Variants in SKI observed in about 807,000 individuals in gnomAD.
The protein encoded by SKI is SKI proto-oncogene, also known as ski oncogene.
A neutral mutation model predicts 59.3 loss-of-function variants in SKI; 23 were observed. That is an observed-to-expected ratio of 0.39 (90% CI 0.28 to 0.55). The LOEUF is 0.55. Ranked by LOEUF, SKI falls within the 20% of genes least tolerant of loss-of-function variation. SKI has a pLI of 0.67. For synonymous variants in SKI, 673 were observed against 488.6 expected (o/e 1.38, Z -4.98); for missense variants, 1,017 against 1,038.9 (o/e 0.98, Z 0.29).
At chr1:2,279,185 G>C (rs574031614) in intron 1 of SKI, among the ~76,000 whole-genome samples, 5 of 152,178 alleles carry the variant, frequency 3.3e-5, no homozygotes, top group Non-Finnish European at 7.3e-5. Flanking sequence ...GTTCTTTGGG[G>C]ATGGCCCTGA....
chr1:2,295,723 G>A (rs1294920605), intron 1 of SKI, among the ~76,000 whole-genome samples: 1 of 68,324 alleles, frequency 1.5e-5, no homozygotes, highest in East Asian at 4.0e-4. Flanking sequence ...GTGGCTATGT[G>A]TCCAGGCCAC....
chr1:2,254,566 C>T (rs1049703469), intron 1 of SKI, among the ~76,000 whole-genome samples: 2 of 152,212 alleles, frequency 1.3e-5, no homozygotes, highest in Admixed American at 6.5e-5. Context: ...TCAGCCTGTC[C>T]TTGTGTGCAG....
rs528378483 is a variant in SKI, at chr1:2,284,931, C to T, written c.970-18047C>T. Among the ~76,000 whole-genome samples the T allele has an allele frequency of 1.2e-3, 190 of 152,322 alleles. 3 individuals are homozygous for T. Among genetic ancestry groups the T allele is most frequent in the South Asian group, 2.9e-3 (14 of 4,832 alleles). ...CCACACACAGCACAGGTGCACCATG[C>T]GGGCCTTTCTGATGATCAGAATTCA... On this transcript the variant is annotated intron_variant, in intron 1 of 6. Transcript: ENST00000378536.
At chr1:2,275,429 G>C (rs1346035672) in intron 1 of SKI, among the ~76,000 whole-genome samples, 6 of 152,246 alleles carry the variant, frequency 3.9e-5, no homozygotes, top group Non-Finnish European at 7.3e-5. Flanking sequence ...GGCCTGGCCG[G>C]TGTGGGCAGC....
chr1:2,240,289 A>G (rs1424029052), intron 1 of SKI, among the ~76,000 whole-genome samples: 1 of 152,188 alleles, frequency 6.6e-6, no homozygotes, highest in Non-Finnish European at 1.5e-5. Context: ...GTGGGAAGCC[A>G]CCGGCAGAGA....
At chr1:2,279,394 C>T (rs192763675) in intron 1 of SKI, among the ~76,000 whole-genome samples, 6 of 152,328 alleles carry the variant, frequency 3.9e-5, no homozygotes, top group East Asian at 1.9e-4. Context: ...CCTTCCTGGC[C>T]CTGCTCTCCA....
chr1:2,235,823 G>A (rs1328082659), intron 1 of SKI, among the ~76,000 whole-genome samples: 3 of 152,260 alleles, frequency 2.0e-5, no homozygotes, highest in African/African-American at 7.2e-5. Context: ...ATGGCCCGGA[G>A]GTGGCGTGGT....
At chr1:2,271,724 G>GGC (rs982779612) in intron 1 of SKI, among the ~76,000 whole-genome samples, 2 of 151,624 alleles carry the variant, frequency 1.3e-5, no homozygotes, top group African/African-American at 4.8e-5. Context: ...CCCCTGGGGG[G>GGC]GGGTAGGGGG....
At chr1:2,275,714 G>A (rs1266335045) in intron 1 of SKI, among the ~76,000 whole-genome samples, 10 of 152,130 alleles carry the variant, frequency 6.6e-5, no homozygotes, top group African/African-American at 1.7e-4. Context: ...GGGTTTCACC[G>A]TGTTAGCCAG....
rs1639782068 is a variant in SKI at position 2,277,960 on chromosome 1, T to TG, written c.970-25017dup. Among the ~76,000 whole-genome samples, 3 of 151,878 alleles carry TG rather than the reference T, an allele frequency of 2.0e-5. No homozygotes were observed. The South Asian group carries it at 6.3e-4, about 32-fold the overall frequency. ...ACATGCACCAGCACCCGTGGACACG[T>TG]GCACGCACACATCAGCACCCATGGG... On this transcript the variant is annotated intron_variant, in intron 1 of 6. Transcript: ENST00000378536.
chr1:2,238,621 G>A (rs12067359), intron 1 of SKI, among the ~76,000 whole-genome samples: 30,415 of 152,200 alleles, frequency 0.2, 4,095 homozygotes, highest in East Asian at 0.63. Context: ...TCTGACCCCT[G>A]GTCCAGGCGG....
In SKI at chr1:2,229,225, C is replaced by T. The variant is rs1638575263; in HGVS notation, c.459C>T (p.Cys153=). 2.5e-6 allele frequency: 4 copies of T among 1,607,424 alleles called. No homozygotes were observed. In the South Asian group the frequency reaches 3.3e-5, roughly 13 times the overall value. The change falls in exon 1 of 7, where the codon TGC becomes TGT. Residue 153 remains cysteine (C), a synonymous_variant. Transcript: ENST00000378536. This position sits in a 1 kb window ranked among gnomAD's most constrained non-coding sequence, Gnocchi z 6.3. ...CDELHIYCSR[C]TADQLEILKV... ...AGCTCCACATCTACTGCTCGCGCTG[C>T]ACGGCCGACCAGCTGGAGATCCTCA...
intron 1 of SKI, among the ~76,000 whole-genome samples, chr1:2,246,108 T>C (rs1333390076): frequency 6.6e-6 from 1 of 152,226 alleles, no homozygotes; most frequent in Non-Finnish European, 1.5e-5. Context: ...TTTTTCTTTT[T>C]AAAGAACCGA....
At chr1:2,274,147 G>T (rs559659709) in intron 1 of SKI, among the ~76,000 whole-genome samples, 4 of 151,902 alleles carry the variant, frequency 2.6e-5, no homozygotes, top group African/African-American at 9.7e-5. Flanking sequence ...TTTGTCAATG[G>T]CACTGGTTTT....
chr1:2,282,777 CGGG>C (rs1368631199), intron 1 of SKI, among the ~76,000 whole-genome samples: 5 of 152,226 alleles, frequency 3.3e-5, no homozygotes, highest in East Asian at 3.9e-4. Context: ...CACCGGCTCT[CGGG>C]GGCGCCAGTC....
At chr1:2,264,746 A>C (rs1450597346) in intron 1 of SKI, among the ~76,000 whole-genome samples, 1 of 152,072 alleles carries the variant, frequency 6.6e-6, no homozygotes, top group African/African-American at 2.4e-5. Context: ...GTGTTCCTGC[A>C]TGCGTGCTTC....
chr1:2,243,917 C>CT (rs988074510), intron 1 of SKI, among the ~76,000 whole-genome samples: 1 of 152,158 alleles, frequency 6.6e-6, no homozygotes, highest in African/African-American at 2.4e-5. Context: ...TTAGTGGACT[C>CT]TGAGATTCCC....
intron 1 of SKI, among the ~76,000 whole-genome samples, chr1:2,287,718 G>A (rs1300409637): frequency 3.9e-5 from 6 of 152,192 alleles, no homozygotes; most frequent in Admixed American, 1.3e-4. Flanking sequence ...TGGGGCGTGG[G>A]GGTGGTCTCC....
At chr1:2,264,424 A>G (rs867808169) in intron 1 of SKI, among the ~76,000 whole-genome samples, 2 of 151,868 alleles carry the variant, frequency 1.3e-5, no homozygotes, top group Admixed American at 1.3e-4. Context: ...ACCCGCCACC[A>G]CACCTGGCTA....
Sources: gnomAD v4.1 joint callset for allele counts (sites outside exome capture counted in the v4.1 genomes callset) on GRCh38, gnomAD v4.1.1 for gene constraint, Gnocchi (gnomAD v3.1) non-coding constraint, MANE v1.5 for transcripts, NCBI Gene and HGNC (gene_info 2026-07-23, HGNC 2026-07-21) for gene names.